GRK4: variants seen among roughly 807,000 people sequenced by gnomAD.
GRK4 encodes G protein-coupled receptor kinase 4.
Under a neutral mutation model 77.9 loss-of-function variants are expected in GRK4, and 73 were observed. That is an observed-to-expected ratio of 0.94 (90% CI 0.78 to 1.14). The LOEUF (loss-of-function observed/expected upper bound fraction) is 1.14. Among genes scored for constraint, GRK4 ranks in the 50% most tolerant of loss-of-function variants. The pLI, the probability that GRK4 is intolerant of heterozygous loss-of-function variation, is 0.00. For missense variants in GRK4, 729 were observed against 700.2 expected (o/e 1.04, Z -0.46); for synonymous variants, 257 against 254.4 (o/e 1.01, Z -0.10).
At chr4:2,985,213 C>T (rs976149524) in intron 2 of GRK4, among the ~76,000 whole-genome samples, 17 of 151,162 alleles carry the variant, frequency 1.1e-4, no homozygotes, top group African/African-American at 4.1e-4. Context: ...GAGATCGAGA[C>T]CACGGTGAAA....
intron 4 of GRK4, among the ~76,000 whole-genome samples, chr4:2,999,172 G>A (rs540959282): frequency 4.6e-4 from 70 of 152,254 alleles, no homozygotes; most frequent in African/African-American, 1.4e-3. Context: ...GAAGTCCAAG[G>A]TCAAGGAGTC....
At chr4:3,028,412 C>T (rs1460351900) in intron 11 of GRK4, among the ~76,000 whole-genome samples, 3 of 152,210 alleles carry the variant, frequency 2.0e-5, no homozygotes, top group African/African-American at 7.2e-5. Context: ...CTGAGAGCCT[C>T]GCAGAGTCCT....
At chr4:2,992,552 G>A (rs1407421557) in intron 4 of GRK4, among the ~76,000 whole-genome samples, 1 of 152,082 alleles carries the variant, frequency 6.6e-6, no homozygotes, top group Non-Finnish European at 1.5e-5. Context: ...ACATGGTGGT[G>A]TGCATCTGTA....
intron 1 of GRK4, chr4:2,965,246 T>A (rs1717201153): frequency 1.4e-6 from 1 of 702,892 alleles, no homozygotes; most frequent in African/African-American, 1.7e-5. Flanking sequence ...TCTCTAGTCC[T>A]CTGCATCCCG....
At chr4:3,038,548 A>T (rs200853305) in intron 15 of GRK4, 35 bp downstream of exon 15, 4 of 1,451,566 alleles carry the variant, frequency 2.8e-6, no homozygotes, top group East Asian at 2.3e-5. Context: ...ATGTGTGTGT[A>T]TGTGAAAAAA....
chr4:3,004,170 C>T, intron 4 of GRK4, 61 bp from the exon 5 acceptor site: 1 of 1,172,406 alleles, frequency 8.5e-7, no homozygotes, highest in East Asian at 2.4e-5. Context: ...GCATTAGGTT[C>T]TGTTCACTAG....
At chr4:2,990,246 CTTTTT>C (rs71644371) in intron 3 of GRK4, among the ~76,000 whole-genome samples, 2 of 70,748 alleles carry the variant, frequency 2.8e-5, no homozygotes, top group Admixed American at 1.6e-4. Context: ...TCTTCTTCTT[CTTTTT>C]TTTTTTTTTT....
intron 8 of GRK4, among the ~76,000 whole-genome samples, chr4:3,019,269 C>T (rs917463984): frequency 1.2e-4 from 18 of 152,238 alleles, no homozygotes; most frequent in Non-Finnish European, 2.6e-4. Context: ...AGTAAGACCT[C>T]TCTTGCACTG....
chr4:3,007,574 C>T (rs1341684642), intron 5 of GRK4, among the ~76,000 whole-genome samples, 162 bp from the exon 6 acceptor site: 2 of 152,170 alleles, frequency 1.3e-5, no homozygotes, highest in Non-Finnish European at 2.9e-5. Context: ...TCACTTATAG[C>T]GTTAGAACCT....
intron 10 of GRK4, among the ~76,000 whole-genome samples, chr4:3,024,277 G>C (rs997759274): frequency 1.1e-4 from 17 of 152,056 alleles, no homozygotes; most frequent in Non-Finnish European, 1.8e-4. Context: ...TTAAGGTCAG[G>C]GTCTCTCTAT....
chr4:3,022,475 C>G, intron 10 of GRK4, 24 bp downstream of exon 10: 1 of 1,609,690 alleles, frequency 6.2e-7, no homozygotes. Context: ...CCTTTCACAT[C>G]TAATGGGTAG....
chr4:3,005,634 C>T (rs1226845549), intron 5 of GRK4, among the ~76,000 whole-genome samples: 2 of 151,984 alleles, frequency 1.3e-5, no homozygotes, highest in African/African-American at 4.8e-5. Flanking sequence ...GAAACCCCAT[C>T]TCTCCAAAAA....
At chr4:3,010,215 T>C (rs1230187324) in intron 7 of GRK4, among the ~76,000 whole-genome samples, 1 of 147,546 alleles carries the variant, frequency 6.8e-6, no homozygotes, top group Non-Finnish European at 1.5e-5. Flanking sequence ...GGGGTGTTTT[T>C]TTTGTTTTGT....
At chr4:2,966,541 T>C (rs2109359539) in intron 1 of GRK4, 1 of 152,376 alleles carries the variant, frequency 6.6e-6, no homozygotes. Context: ...AGCATCATTA[T>C]GTATAGCTTG....
intron 1 of GRK4, chr4:2,965,148 T>G: frequency 1.6e-6 from 1 of 621,048 alleles, no homozygotes; most frequent in Non-Finnish European, 2.9e-6. Context: ...GCTTAGTCTT[T>G]GTTCAAGGCT....
At chr4:2,968,752 C>T (rs1718547865) in intron 1 of GRK4, among the ~76,000 whole-genome samples, 1 of 152,132 alleles carries the variant, frequency 6.6e-6, no homozygotes, top group Non-Finnish European at 1.5e-5. Flanking sequence ...GCCCAGGTGG[C>T]ATTGGTAGTT....
chr4:2,996,071 T>A (rs1727770059), intron 4 of GRK4, among the ~76,000 whole-genome samples: 2 of 138,792 alleles, frequency 1.4e-5, no homozygotes, highest in South Asian at 4.4e-4. Context: ...GATAAAAACC[T>A]TTTTTTTTTT....
At chr4:3,016,031 C>T (rs1346196198) in intron 8 of GRK4, among the ~76,000 whole-genome samples, 1 of 151,288 alleles carries the variant, frequency 6.6e-6, no homozygotes, top group Non-Finnish European at 1.5e-5. Flanking sequence ...GCCTCAGCCT[C>T]CCGAGTAGCT....
At chr4:2,989,734 C>T (rs1227711320) in intron 3 of GRK4, among the ~76,000 whole-genome samples, 1 of 152,212 alleles carries the variant, frequency 6.6e-6, no homozygotes, top group African/African-American at 2.4e-5. Flanking sequence ...AGAATGATCA[C>T]TTTGGATGGA....
Sources: allele counts gnomAD v4.1 joint callset (sites outside exome capture counted in the v4.1 genomes callset), GRCh38; gene constraint gnomAD v4.1.1; transcripts MANE v1.5; gene names NCBI Gene and HGNC (gene_info 2026-07-23, HGNC 2026-07-21).